Variants in LRRC56 observed in about 807,000 individuals in gnomAD.
The protein encoded by LRRC56 is leucine rich repeat containing 56, also known as leucine-rich repeat-containing protein 56.
Under a neutral mutation model 47.8 loss-of-function variants are expected in LRRC56, and 41 were observed. The ratio of observed to expected loss-of-function variants is 0.86; its 90% CI spans 0.67 to 1.11. The LOEUF is 1.11. Among genes scored for constraint, LRRC56 ranks in the 50% most tolerant of loss-of-function variants. LRRC56 has a pLI of 0.00. For synonymous variants in LRRC56, 387 were observed against 311.2 expected, an observed-to-expected ratio of 1.24 and a Z score of -2.56; for missense variants, 759 against 704.2, an observed-to-expected ratio of 1.08 and a Z score of -0.88.
upstream of LRRC56, chr11:532,723 A>G (rs2133982410): frequency 6.2e-7 from 1 of 1,612,222 alleles, no homozygotes; most frequent in Non-Finnish European, 8.5e-7. Context: ...GCCGGATCTC[A>G]CGCACCAACG....
At chr11:517,348 G>A in the LRRC56 span, among the ~76,000 whole-genome samples, 16 of 135,870 alleles carry the variant, frequency 1.2e-4, no homozygotes, top group South Asian at 5.1e-4. Flanking sequence ...CCGGCCGCCC[G>A]GTCTGGGAAG....
At chr11:544,636 G>A (rs1250669824) in intron 5 of LRRC56, 84 bp from the exon 6 acceptor site, 9 of 1,400,906 alleles carry the variant, frequency 6.4e-6, no homozygotes, top group Admixed American at 3.4e-5. Flanking sequence ...GGGGCCGGGG[G>A]TGCTGATGCC....
chr11:541,481 T>C lies in LRRC56; in HGVS notation c.178-56T>C. ...AGAGTCCTGTAGCCAGAAGCAAGGA[T>C]GGAACTAAAGTGGGGAGAGCCAGGA... On this transcript the variant is annotated intron_variant, in intron 4 of 13. Transcript: ENST00000270115. This position sits in a 1 kb window ranked among gnomAD's most constrained non-coding sequence, Gnocchi z 4.1. The C allele has an allele frequency of 9.7e-7, 1 of 1,033,112 alleles. No individual in the cohort carries two copies. Among genetic ancestry groups the C allele is most frequent in the Non-Finnish European group, 1.4e-6 (1 of 719,442 alleles). 64.0% of individuals were successfully genotyped at this position (1,033,112 alleles called of 1,614,324 possible).
chr11:525,283 T>G, the LRRC56 span, among the ~76,000 whole-genome samples: 2 of 151,570 alleles, frequency 1.3e-5, no homozygotes, highest in Non-Finnish European at 2.9e-5. Flanking sequence ...CTCACGCCTG[T>G]AATCCCAGCA....
Position 549,941 on chromosome 11 carries a change from G to A in LRRC56, c.366G>A (p.Trp122Ter). Residue 122 changes from tryptophan (W) to a stop codon, truncating the protein, a stop_gained, in exon 7 of 14, where the codon TGG becomes TGA. Transcript: ENST00000270115. LOFTEE classifies it high-confidence loss of function. ...GTSLGHLQVL[W>*]LARCGLADLD... is the part of the protein sequence containing the mutation. The stretch of plus-strand genomic sequence containing the variant: ...CTCTGGGCCACCTGCAGGTGCTGTG[G>A]CTGGCTCGCTGTGGCCTCGCTGACC... 6.2e-7 allele frequency: 1 copy of A among 1,612,916 alleles called. No homozygotes were observed. Among genetic ancestry groups the A allele is most frequent in the Non-Finnish European group, 8.5e-7 (1 of 1,179,922 alleles).
At chr11:551,861 C>G in intron 10 of LRRC56, 34 bp downstream of exon 10, 1 of 1,609,840 alleles carries the variant, frequency 6.2e-7, no homozygotes, top group Non-Finnish European at 8.5e-7. Context: ...ACCCTGCAGC[C>G]CCTCGGCCCC....
At chr11:514,995 C>T in the LRRC56 span, among the ~76,000 whole-genome samples, 1 of 152,222 alleles carries the variant, frequency 6.6e-6, no homozygotes, top group Non-Finnish European at 1.5e-5. Context: ...CACTGCCTGG[C>T]TGAACCTGAA....
chr11:539,294 C>T (rs1181246970), intron 2 of LRRC56, among the ~76,000 whole-genome samples: 4 of 151,450 alleles, frequency 2.6e-5, no homozygotes, highest in African/African-American at 9.7e-5. Context: ...ACCTCGTTAG[C>T]CAGGATGGTC....
the LRRC56 span, among the ~76,000 whole-genome samples, chr11:511,633 T>C: frequency 6.6e-6 from 1 of 152,258 alleles, no homozygotes; most frequent in Non-Finnish European, 1.5e-5. Flanking sequence ...GAGCCTCCAA[T>C]TTCAATCAGA....
chr11:521,434 G>A, the LRRC56 span, among the ~76,000 whole-genome samples: 3 of 152,042 alleles, frequency 2.0e-5, no homozygotes, highest in African/African-American at 7.2e-5. Flanking sequence ...TCAGCCTCCC[G>A]AGAAGCTGCG....
the LRRC56 span, among the ~76,000 whole-genome samples, chr11:508,188 C>T: frequency 6.6e-6 from 1 of 152,220 alleles, no homozygotes; most frequent in Non-Finnish European, 1.5e-5. Context: ...GTTTTCGAGA[C>T]AGGGTCTCAC....
chr11:528,103 T>A, the LRRC56 span, among the ~76,000 whole-genome samples: 1 of 152,228 alleles, frequency 6.6e-6, no homozygotes, highest in East Asian at 1.9e-4. Flanking sequence ...CCCAAAGTGC[T>A]GGGATTACAG....
chr11:545,343 C>T (rs1275542395), intron 6 of LRRC56, among the ~76,000 whole-genome samples: 1 of 152,250 alleles, frequency 6.6e-6, no homozygotes, highest in Non-Finnish European at 1.5e-5. Flanking sequence ...CTTCTGGCCC[C>T]CGCACGGCTC....
intron 2 of LRRC56, among the ~76,000 whole-genome samples, 183 bp from the exon 3 acceptor site, chr11:539,397 T>TTTTTTTC (rs1282092904): frequency 2.2e-5 from 3 of 134,972 alleles, no homozygotes; most frequent in African/African-American, 8.5e-5. Context: ...TTTTTTTTTT[T>TTTTTTTC]TTTTTGAGAC....
chr11:542,540 C>T (rs1035579536), intron 5 of LRRC56, among the ~76,000 whole-genome samples: 3 of 142,710 alleles, frequency 2.1e-5, no homozygotes, highest in Admixed American at 7.4e-5. Context: ...GAGATTGCAC[C>T]GCTGCACTCC....
At chr11:546,879 C>G (rs1194714442) in intron 6 of LRRC56, among the ~76,000 whole-genome samples, 1 of 151,654 alleles carries the variant, frequency 6.6e-6, no homozygotes. Flanking sequence ...GGTGAAAACC[C>G]ATCTCTACTA....
chr11:533,860 C>G (rs2133990837), upstream of LRRC56: 1 of 1,613,334 alleles, frequency 6.2e-7, no homozygotes, highest in Non-Finnish European at 8.5e-7. Context: ...TCCCGCATGG[C>G]GCTGTACTCC....
intron 6 of LRRC56, among the ~76,000 whole-genome samples, chr11:548,476 G>GTTTGTTTGT (rs2134052892): frequency 9.1e-6 from 1 of 110,456 alleles, no homozygotes; most frequent in South Asian, 2.8e-4. Flanking sequence ...TGTTTGTTTG[G>GTTTGTTTGT]AGACGGAGGC....
chr11:532,734 TGTA>T (rs1354376349), upstream of LRRC56: 1 of 1,612,872 alleles, frequency 6.2e-7, no homozygotes, highest in Non-Finnish European at 8.5e-7. Flanking sequence ...CGCACCAACG[TGTA>T]GAAGGCATCC....
Sources: allele counts gnomAD v4.1 joint callset (sites outside exome capture counted in the v4.1 genomes callset), GRCh38; gene constraint gnomAD v4.1.1; non-coding constraint Gnocchi (gnomAD v3.1); transcripts MANE v1.5; gene names NCBI Gene and HGNC (gene_info 2026-07-23, HGNC 2026-07-21).